DNAJC1: variants seen among roughly 807,000 people sequenced by gnomAD.
DNAJC1 encodes dnaJ homolog subfamily C member 1.
In DNAJC1, 58 loss-of-function variants were observed where a neutral mutation model predicts 76.6. The observed-to-expected ratio is 0.76, with a 90% confidence interval of 0.61 to 0.94. The LOEUF (loss-of-function observed/expected upper bound fraction) is 0.94. Among genes scored for constraint, DNAJC1 ranks in the 40% least tolerant of loss-of-function variants. The pLI, the probability that DNAJC1 is intolerant of heterozygous loss-of-function variation, is 0.00. For synonymous variants in DNAJC1, 258 were observed against 267.9 expected (o/e 0.96, Z 0.36); for missense variants, 689 against 677.3 (o/e 1.02, Z -0.19).
intron 7 of DNAJC1, among the ~76,000 whole-genome samples, chr10:21,891,007 A>G (rs1050822674): frequency 7.9e-5 from 12 of 152,164 alleles, no homozygotes; most frequent in African/African-American, 2.9e-4. Context: ...CCTGGTCAAC[A>G]TGATGAAACC....
At chr10:21,913,199 T>A (rs527771743) in intron 6 of DNAJC1, among the ~76,000 whole-genome samples, 1 of 152,068 alleles carries the variant, frequency 6.6e-6, no homozygotes, top group African/African-American at 2.4e-5. Flanking sequence ...AGGTAAAAAA[T>A]TTACAACTTT....
intron 9 of DNAJC1, among the ~76,000 whole-genome samples, chr10:21,805,439 G>GACACACACACAC (rs10657199): frequency 4.0e-4 from 57 of 142,860 alleles, no homozygotes; most frequent in African/African-American, 8.0e-4. Flanking sequence ...GTTACGTATG[G>GACACACACACAC]ACACACACAC....
intron 7 of DNAJC1, among the ~76,000 whole-genome samples, chr10:21,891,625 C>T (rs1402834643): frequency 3.3e-5 from 5 of 151,992 alleles, no homozygotes; most frequent in Non-Finnish European, 7.4e-5. Flanking sequence ...TATTTCTCAC[C>T]CCAAACCATA....
chr10:21,972,579 A>C (rs1281829547), intron 1 of DNAJC1, among the ~76,000 whole-genome samples: 1 of 152,068 alleles, frequency 6.6e-6, no homozygotes, highest in African/African-American at 2.4e-5. Flanking sequence ...AAGATAAAAT[A>C]AACTCTACAA....
chr10:21,990,818 T>C (rs2131846731), intron 1 of DNAJC1, among the ~76,000 whole-genome samples: 1 of 152,336 alleles, frequency 6.6e-6, no homozygotes, highest in East Asian at 1.9e-4. Context: ...CCAAGTCCAT[T>C]TGAAATAACA....
chr10:21,821,330 T>TG (rs1835156093), intron 8 of DNAJC1, among the ~76,000 whole-genome samples: 1 of 152,118 alleles, frequency 6.6e-6, no homozygotes, highest in Admixed American at 6.5e-5. Flanking sequence ...TAGAAAAAAA[T>TG]GCAATATATA....
chr10:21,891,446 T>C (rs1392929881), intron 7 of DNAJC1, among the ~76,000 whole-genome samples: 1 of 23,142 alleles, frequency 4.3e-5, no homozygotes, highest in African/African-American at 2.0e-4. Context: ...TAGAAAAACA[T>C]AAAGTGCCCA....
At chr10:21,852,102 C>T (rs143247066) in intron 8 of DNAJC1, among the ~76,000 whole-genome samples, 6 of 50,510 alleles carry the variant, frequency 1.2e-4, no homozygotes, top group South Asian at 1.1e-3. Context: ...TACACACACA[C>T]ACACACACAC....
At chr10:21,887,159 A>G (rs1487223102) in intron 7 of DNAJC1, among the ~76,000 whole-genome samples, 1 of 152,146 alleles carries the variant, frequency 6.6e-6, no homozygotes, top group Non-Finnish European at 1.5e-5. Flanking sequence ...AAAGAATAAA[A>G]TACCTAGGAA....
chr10:21,761,309 A>G (rs1834237732), intron 10 of DNAJC1, among the ~76,000 whole-genome samples: 1 of 152,210 alleles, frequency 6.6e-6, no homozygotes, highest in South Asian at 2.1e-4. Flanking sequence ...CTGTAATCCC[A>G]ACACTTTGGG....
intron 10 of DNAJC1, among the ~76,000 whole-genome samples, chr10:21,763,962 C>T (rs747507038): frequency 1.2e-4 from 19 of 152,070 alleles, no homozygotes; most frequent in Admixed American, 4.6e-4. Context: ...TGGCATAAGT[C>T]GGAATATCAA....
intron 8 of DNAJC1, among the ~76,000 whole-genome samples, chr10:21,855,768 C>T (rs1365206931): frequency 3.3e-5 from 5 of 152,046 alleles, no homozygotes; most frequent in Admixed American, 6.6e-5. Flanking sequence ...ATCAGTGCTC[C>T]GCCACCCCCA....
At chr10:21,999,159 A>G (rs1430632367) in intron 1 of DNAJC1, among the ~76,000 whole-genome samples, 1 of 152,126 alleles carries the variant, frequency 6.6e-6, no homozygotes, top group Non-Finnish European at 1.5e-5. Flanking sequence ...ATTGTCTCCA[A>G]TTCTTCCCTT....
chr10:21,899,617 T>C (rs1254767537), intron 7 of DNAJC1, among the ~76,000 whole-genome samples: 1 of 152,202 alleles, frequency 6.6e-6, no homozygotes, highest in Non-Finnish European at 1.5e-5. Context: ...CCCCAATTCA[T>C]TCTTCCTCAC....
intron 1 of DNAJC1, among the ~76,000 whole-genome samples, chr10:21,986,472 A>G (rs909189624): frequency 7.9e-5 from 12 of 152,102 alleles, no homozygotes; most frequent in African/African-American, 2.4e-4. Flanking sequence ...GTGTCTATTC[A>G]GATAGGTTTT....
At chr10:21,912,003 A>C (rs1048347803) in intron 6 of DNAJC1, among the ~76,000 whole-genome samples, 8 of 152,176 alleles carry the variant, frequency 5.3e-5, no homozygotes, top group Non-Finnish European at 1.0e-4. Flanking sequence ...TTTGCAACTT[A>C]GGGTATTTTC....
chr10:21,869,235 A>G (rs993777266), intron 8 of DNAJC1, among the ~76,000 whole-genome samples: 1 of 149,510 alleles, frequency 6.7e-6, no homozygotes, highest in East Asian at 1.9e-4. Flanking sequence ...AAAAAAAAAA[A>G]AGAGACATTT....
At chr10:21,809,968 G>T (rs958903802) in intron 8 of DNAJC1, among the ~76,000 whole-genome samples, 1 of 151,808 alleles carries the variant, frequency 6.6e-6, no homozygotes, top group Non-Finnish European at 1.5e-5. Context: ...GTGGCGGGGT[G>T]GGGGGAATGG....
chr10:21,879,631 T>C (rs1303606809), intron 8 of DNAJC1, among the ~76,000 whole-genome samples: 1 of 152,046 alleles, frequency 6.6e-6, no homozygotes, highest in African/African-American at 2.4e-5. Flanking sequence ...CTCAAAAAAA[T>C]AATAATAATT....
Sources: gnomAD v4.1 joint callset for allele counts (sites outside exome capture counted in the v4.1 genomes callset) on GRCh38, gnomAD v4.1.1 for gene constraint, MANE v1.5 for transcripts, NCBI Gene and HGNC (gene_info 2026-07-23, HGNC 2026-07-21) for gene names.